FAM117A: variants seen among roughly 807,000 people sequenced by gnomAD.
FAM117A encodes the protein family with sequence similarity 117 member A.
FAM117A carries 21 observed loss-of-function variants against 44.1 expected under a neutral mutation model. The ratio of observed to expected loss-of-function variants is 0.48; its 90% CI spans 0.34 to 0.69. The LOEUF (loss-of-function observed/expected upper bound fraction) is 0.69, where lower values mean the gene tolerates loss of function less well. FAM117A is among the 30% of genes least tolerant of loss of function. FAM117A has a pLI of 0.01. For missense variants in FAM117A, 498 were observed against 589.9 expected (o/e 0.84, Z 1.61); for synonymous variants, 220 against 238.3 (o/e 0.92, Z 0.71).
intron 1 of FAM117A, among the ~76,000 whole-genome samples, chr17:49,776,026 C>A (rs937324955): frequency 1.3e-5 from 2 of 152,100 alleles, no homozygotes; most frequent in Non-Finnish European, 2.9e-5. Context: ...AAAGCACCAC[C>A]CCCCTCCCTT....
chr17:49,784,616 T>C (rs1468871182), intron 1 of FAM117A, among the ~76,000 whole-genome samples: 1 of 152,202 alleles, frequency 6.6e-6, no homozygotes, highest in African/African-American at 2.4e-5. Flanking sequence ...TGGAAAACCC[T>C]TATATTGTCC....
intron 1 of FAM117A, among the ~76,000 whole-genome samples, chr17:49,739,994 A>C (rs964824172): frequency 6.6e-6 from 1 of 152,190 alleles, no homozygotes; most frequent in Non-Finnish European, 1.5e-5. Flanking sequence ...GAAAAAACAA[A>C]ACAAAACAGC....
At chr17:49,724,610 A>G (rs901952590) in intron 2 of FAM117A, 2 of 404,228 alleles carry the variant, frequency 4.9e-6, no homozygotes, top group African/African-American at 4.1e-5. Context: ...AGGCGGGTGG[A>G]TCACTTGAGG....
At chr17:49,754,622 A>T (rs2073690910) in intron 1 of FAM117A, among the ~76,000 whole-genome samples, 1 of 151,964 alleles carries the variant, frequency 6.6e-6, no homozygotes, top group African/African-American at 2.4e-5. Flanking sequence ...CAAACTCTTA[A>T]AGGGAAGGGA....
At chr17:49,748,777 C>T (rs2073663498) in intron 1 of FAM117A, among the ~76,000 whole-genome samples, 1 of 152,174 alleles carries the variant, frequency 6.6e-6, no homozygotes, top group Non-Finnish European at 1.5e-5. Context: ...CACATTCATT[C>T]ACTTACCCCC....
chr17:49,740,180 TA>T (rs905251694), intron 1 of FAM117A, among the ~76,000 whole-genome samples: 1 of 151,510 alleles, frequency 6.6e-6, no homozygotes, highest in African/African-American at 2.4e-5. Context: ...AAACGGCAGA[TA>T]AGACAATGAA....
intron 3 of FAM117A, 124 bp from the exon 4 acceptor site, chr17:49,720,560 AATCTTCC>A: frequency 1.4e-6 from 1 of 690,734 alleles, no homozygotes; most frequent in Non-Finnish European, 2.5e-6. Context: ...GATGGAAGTT[AATCTTCC>A]ATCTCAAAAT....
chr17:49,780,559 G>T (rs2143805710), intron 1 of FAM117A, among the ~76,000 whole-genome samples: 1 of 152,218 alleles, frequency 6.6e-6, no homozygotes, highest in Non-Finnish European at 1.5e-5. Flanking sequence ...TAGTACAGAT[G>T]GGGTTTTCCC....
Position 49,774,848 on chromosome 17 carries a change from C to G in FAM117A, c.-621+13649G>C, listed in dbSNP as rs192209585. Reference sequence around the variant, plus strand: ...GATTTTGTGAGGTCTGATGTTTCTTCTTAAAAAAAAATTACTTTGGGGGTT... The same window carrying G: ...GATTTTGTGAGGTCTGATGTTTCTTGTTAAAAAAAAATTACTTTGGGGGTT... On this transcript the variant is annotated intron_variant, in intron 1 of 7. Transcript: ENST00000513602. Among the ~76,000 whole-genome samples the G allele has an allele frequency of 9.1e-4, 138 of 152,046 alleles. 1 individual carries two copies. The highest frequency in any genetic ancestry group is 1.5e-4 in the Non-Finnish European group (10 of 67,990).
upstream of FAM117A, chr17:49,788,993 C>A: frequency 1.4e-5 from 10 of 690,216 alleles, no homozygotes; most frequent in East Asian, 3.4e-5. Flanking sequence ...TCTGTCCATA[C>A]CCAACAGAAA....
upstream of FAM117A, chr17:49,788,875 C>T (rs371348149): frequency 1.5e-5 from 23 of 1,574,612 alleles, no homozygotes; most frequent in Admixed American, 1.8e-5. Context: ...GGAGGGATGG[C>T]GGGTTTCTAA....
chr17:49,772,614 T>C (rs1363611232), intron 1 of FAM117A, among the ~76,000 whole-genome samples: 1 of 151,734 alleles, frequency 6.6e-6, no homozygotes, highest in Non-Finnish European at 1.5e-5. Context: ...TAGCCGGGTG[T>C]GGTGGTGGGC....
upstream of FAM117A, among the ~76,000 whole-genome samples, chr17:49,764,423 A>C (rs182517336): frequency 3.0e-4 from 46 of 152,186 alleles, no homozygotes; most frequent in Middle Eastern, 3.4e-3. Context: ...AGAATAGGGG[A>C]GCGTCACACC....
chr17:49,782,360 G>C (rs1313863161), intron 1 of FAM117A, among the ~76,000 whole-genome samples: 3 of 119,512 alleles, frequency 2.5e-5, no homozygotes, highest in African/African-American at 6.5e-5. Flanking sequence ...CTGGGTGACA[G>C]AGAGAGACTC....
chr17:49,782,507 T>C (rs1378858644), intron 1 of FAM117A, among the ~76,000 whole-genome samples: 2 of 147,708 alleles, frequency 1.4e-5, no homozygotes, highest in Non-Finnish European at 3.0e-5. Context: ...CCGGGCAACA[T>C]GGTGAAATGC....
chr17:49,767,881 C>T (rs980022249), upstream of FAM117A, among the ~76,000 whole-genome samples: 5 of 151,254 alleles, frequency 3.3e-5, no homozygotes, highest in African/African-American at 7.3e-5. Flanking sequence ...CCAGACTGGG[C>T]GACAGAGCAA....
At chr17:49,725,281 A>C (rs979263653) in intron 2 of FAM117A, among the ~76,000 whole-genome samples, 2 of 152,288 alleles carry the variant, frequency 1.3e-5, no homozygotes, top group East Asian at 3.9e-4. Context: ...ATGGGCTCTG[A>C]GTGTACAGCA....
chr17:49,743,338 G>A (rs987036900), intron 1 of FAM117A, among the ~76,000 whole-genome samples: 2 of 152,124 alleles, frequency 1.3e-5, no homozygotes, highest in Non-Finnish European at 1.5e-5. Flanking sequence ...GTTCCTACCA[G>A]TAAGTCCAGA....
chr17:49,758,010 CAA>C (rs1037060202), intron 1 of FAM117A, among the ~76,000 whole-genome samples: 2 of 152,206 alleles, frequency 1.3e-5, no homozygotes, highest in Non-Finnish European at 2.9e-5. Flanking sequence ...GAGCGACACC[CAA>C]AGTTTTCCTT....
Sources: allele counts gnomAD v4.1 joint callset (sites outside exome capture counted in the v4.1 genomes callset), GRCh38; gene constraint gnomAD v4.1.1; transcripts MANE v1.5; gene names NCBI Gene and HGNC (gene_info 2026-07-23, HGNC 2026-07-21).